SHARPIN: variants seen among roughly 807,000 people sequenced by gnomAD.
SHARPIN encodes the protein SHANK associated RH domain interactor, also known as hSIPL1.
In SHARPIN, 25 loss-of-function variants were observed where a neutral mutation model predicts 40.3. That is an observed-to-expected ratio of 0.62 (90% CI 0.45 to 0.87). SHARPIN has a LOEUF of 0.87. Among genes scored for constraint, SHARPIN ranks in the 40% least tolerant of loss-of-function variants. The pLI is 0.00. For missense variants in SHARPIN, 551 were observed against 516.1 expected, an observed-to-expected ratio of 1.07 and a Z score of -0.66; for synonymous variants, 274 against 221.8, an observed-to-expected ratio of 1.24 and a Z score of -2.09.
At position 144,099,175 on chromosome 8, in the gene SHARPIN, T is replaced by A; in HGVS notation, c.953A>T (p.Lys318Met). The change falls in exon 7 of 9, where the codon AAG becomes ATG. Residue 318 changes from lysine (K) to methionine (M), a missense_variant. By Grantham distance (95) the Lys-to-Met change is moderately conservative. Coordinates refer to ENST00000398712, the MANE Select transcript of SHARPIN (RefSeq NM_030974.4). ...CAAGCGTCCAAGTTCCCCGTCCATC[T>A]TCTGGGGGTGCTGAGGGCTAGGTCC... ...ATGPSPQHPQ[K>M]MDGELGRLFP... 6.3e-7 allele frequency: 1 copy of A among 1,594,098 alleles called. No homozygotes were observed. Among genetic ancestry groups the A allele is most frequent in the Non-Finnish European group, 8.5e-7 (1 of 1,171,668 alleles).
Position 144,103,243 on chromosome 8 carries a change from C to G in SHARPIN, c.202-18G>C. 1 of 1,587,236 alleles carries G rather than the reference C, an allele frequency of 6.3e-7. No homozygotes were observed. Among genetic ancestry groups the G allele is most frequent in the Non-Finnish European group, 8.6e-7 (1 of 1,167,216 alleles). On this transcript the variant is annotated intron_variant, in intron 1 of 8. Transcript: ENST00000398712. ...AAATTAACCTGAGAAGAGGGAGAGTCCAGGCTCAGGGCGTCCCCCCGCCCT... is the reference window on the plus strand; with the variant it reads ...AAATTAACCTGAGAAGAGGGAGAGTGCAGGCTCAGGGCGTCCCCCCGCCCT...
Position 144,103,769 on chromosome 8 carries a change from G to A in SHARPIN, c.-16C>T. The stretch of plus-strand genomic sequence containing the variant: ...GCGGCGCCATCTCCGGTCCGGCCGG[G>A]TCCCACCCCTCCGAGCGCGCTTCCG... On this transcript the variant is annotated 5_prime_UTR_variant, in exon 1 of 9. Coordinates refer to ENST00000398712, the MANE Select transcript of SHARPIN (RefSeq NM_030974.4). 1 of 1,356,490 alleles carries A rather than the reference G, an allele frequency of 7.4e-7. No individual in the cohort carries two copies. Among genetic ancestry groups the A allele is most frequent in the Non-Finnish European group, 9.4e-7 (1 of 1,062,756 alleles). 84.0% of individuals were successfully genotyped at this position (1,356,490 alleles called of 1,614,324 possible).
In SHARPIN at chr8:144,099,957, A is replaced by G; in HGVS notation, c.489T>C (p.Pro163=). 6.2e-7 allele frequency: 1 copy of G among 1,604,194 alleles called. No individual in the cohort carries two copies. The highest frequency in any genetic ancestry group is 1.1e-5 in the South Asian group (1 of 90,652). Residue 163 remains proline, a synonymous_variant, in exon 3 of 9, where the codon CCT becomes CCC. Coordinates refer to ENST00000398712, the MANE Select transcript of SHARPIN (RefSeq NM_030974.4). ...LKGPPPEADL[P]RSPGNLTERE... ...TCTCCGTCAAGTTTCCAGGGCTCCT[A>G]GGAAGATCTGCCTCAGGTGGAGGGC...
intron 2 of SHARPIN, chr8:144,102,628 C>G: frequency 4.0e-6 from 1 of 252,198 alleles, no homozygotes; most frequent in Admixed American, 5.1e-5. Context: ...ACCCTATCTG[C>G]ACCAACCCTT....
rs1447455882 is a variant in SHARPIN, at chr8:144,103,629, C to T, written c.125G>A (p.Arg42Gln). ...GAGPDAEAQL[R>Q]RLQLSADPER... ...AGGGTCCGCGCTCAGCTGCAGCCTC[C>T]GCAGCTGTGCCTCGGCGTCTGGCCC... The change falls in exon 1 of 9, where the codon CGG (arginine) becomes CAG (glutamine). Residue 42 changes from arginine (R) to glutamine (Q), a missense_variant. Physicochemically the swap from Arg to Gln is conservative, Grantham distance 43. Coordinates refer to ENST00000398712, the MANE Select transcript of SHARPIN (RefSeq NM_030974.4). 1.3e-6 allele frequency: 2 copies of T among 1,527,446 alleles called. No individual in the cohort carries two copies. Among genetic ancestry groups the T allele is most frequent in the Non-Finnish European group, 8.7e-7 (1 of 1,143,758 alleles). The allele number at this position is 1,527,446 out of a possible 1,614,324, so 94.6% of individuals were successfully genotyped here.
rs767943795 is a variant in SHARPIN, at chr8:144,099,820, C to G, written c.542G>C (p.Arg181Pro). The change falls in exon 4 of 9, where the codon CGG becomes CCG. Residue 181 changes from arginine (R) to proline (P), a missense_variant. Coordinates refer to ENST00000398712, the MANE Select transcript of SHARPIN (RefSeq NM_030974.4). ...EREELAGSLA[R>P]AIAGGDEKGA... ...CTTCTCGTCTCCACCTGCAATAGCC[C>G]GGGCCAGGCTCCCTGCCAGCTCTTC... The G allele has an allele frequency of 1.9e-6, 3 of 1,612,562 alleles. No individual in the cohort carries two copies. Among genetic ancestry groups the G allele is most frequent in the Middle Eastern group, 1.7e-4 (1 of 6,056 alleles).
At position 144,099,547 on chromosome 8, in the gene SHARPIN, A is replaced by C; in HGVS notation, c.731T>G (p.Val244Gly). Reference sequence around the variant, plus strand: ...AGCTGCAACAGTGCAGTGGGGGTGGACCTGCAGGGCAACGTGTGCAGAGGA... The same window carrying C: ...AGCTGCAACAGTGCAGTGGGGGTGGCCCTGCAGGGCAACGTGTGCAGAGGA... ...AASSAHVALQ[V>G]HPHCTVAALQ... Residue 244 changes from valine (V) to glycine (G), a missense_variant, in exon 5 of 9, where the codon GTC (valine) becomes GGC (glycine). Transcript: ENST00000398712. 3 of 1,614,050 alleles carry C rather than the reference A, an allele frequency of 1.9e-6. No homozygotes were observed. Among genetic ancestry groups the C allele is most frequent in the South Asian group, 2.2e-5 (2 of 91,080 alleles).
intron 2 of SHARPIN, chr8:144,100,598 C>T (rs1265782168): frequency 1.0e-4 from 16 of 153,754 alleles, no homozygotes; most frequent in Non-Finnish European, 2.3e-4. Context: ...CCAGTGCTGA[C>T]ACAGCTCCCG....
chr8:144,103,014 T>A (rs774423254), intron 2 of SHARPIN, 37 bp downstream of exon 2: 18 of 1,612,094 alleles, frequency 1.1e-5, no homozygotes, highest in Non-Finnish European at 1.4e-5. Flanking sequence ...GCCAAGGCTA[T>A]TCCAAATTGT....
At chr8:144,101,744 T>C (rs1836292260) in intron 2 of SHARPIN, among the ~76,000 whole-genome samples, 1 of 152,062 alleles carries the variant, frequency 6.6e-6, no homozygotes, top group South Asian at 2.1e-4. Context: ...ATTTTTTGTA[T>C]GTTGCCCAGC....
chr8:144,099,580 G>C lies in SHARPIN; in HGVS notation c.698C>G (p.Ser233Cys). 1 of 1,614,104 alleles carries C rather than the reference G, an allele frequency of 6.2e-7. No individual in the cohort carries two copies. Among genetic ancestry groups the C allele is most frequent in the South Asian group, 1.1e-5 (1 of 91,084 alleles). The change falls in exon 5 of 9, where the codon TCC (serine) becomes TGC (cysteine). Residue 233 changes from serine (S) to cysteine (C), a missense_variant. Ser to Cys is a moderately radical substitution (Grantham distance 112). Transcript: ENST00000398712. ...VTLEDAASAA[S>C]AASSAHVALQ... Reference sequence around the variant, plus strand: ...GGCAACGTGTGCAGAGGACGCGGCGGATGCGGCAGAGGCAGCGTCTTCAAG... The same window carrying C: ...GGCAACGTGTGCAGAGGACGCGGCGCATGCGGCAGAGGCAGCGTCTTCAAG...
chr8:144,101,063 G>A (rs570832649), intron 2 of SHARPIN, among the ~76,000 whole-genome samples: 1 of 151,828 alleles, frequency 6.6e-6, no homozygotes, highest in Non-Finnish European at 1.5e-5. Context: ...TTGAACTCCC[G>A]ACCTCAGGTG....
At chr8:144,103,246 G>C in intron 1 of SHARPIN, 21 bp from the exon 2 acceptor site, 1 of 1,578,552 alleles carries the variant, frequency 6.3e-7, no homozygotes. Flanking sequence ...GGAGAGTCCA[G>C]GCTCAGGGCG....
rs751153793 is a variant in SHARPIN at position 144,099,382 on chromosome 8, C to T, written c.817G>A (p.Gly273Arg). ...FPPAVQRWVIGRCLCVPERSL... is the reference protein window; with the variant it reads ...FPPAVQRWVIRRCLCVPERSL... ...CGCTCAGGCACACACAGGCACCGTC[C>T]GATGACCCAGCGTTGCACGGCTGGC... is the stretch of plus-strand genomic sequence containing the variant. Residue 273 changes from glycine (G) to arginine (R), a missense_variant, in exon 6 of 9, where the codon GGA becomes AGA. By Grantham distance (125) the Gly-to-Arg change is moderately radical. Transcript: ENST00000398712. 3.7e-6 allele frequency: 6 copies of T among 1,613,636 alleles called. No homozygotes were observed. Among genetic ancestry groups the T allele is most frequent in the African/African-American group, 2.7e-5 (2 of 74,922 alleles).
In SHARPIN at chr8:144,103,746, G is replaced by A. The variant is rs1325527830; in HGVS notation, c.8C>T (p.Pro3Leu). ...CGCCGCCGCCGCCCCGCCCGCTGGCGGCGCCATCTCCGGTCCGGCCGGGTC... is the reference window on the plus strand; with the variant it reads ...CGCCGCCGCCGCCCCGCCCGCTGGCAGCGCCATCTCCGGTCCGGCCGGGTC... MAPPAGGAAAAAS... is the reference protein window; with the variant it reads MALPAGGAAAAAS... The change falls in exon 1 of 9, where the codon CCG (proline) becomes CTG (leucine). Residue 3 changes from proline to leucine, a missense_variant. Transcript: ENST00000398712. 2.2e-6 allele frequency: 3 copies of A among 1,377,826 alleles called. No individual in the cohort carries two copies. The African/African-American group carries it at 4.6e-5, about 21-fold the overall frequency. 85.4% of individuals were successfully genotyped at this position (1,377,826 alleles called of 1,614,324 possible). A position where few individuals can be genotyped will look rare whatever the true frequency, so the allele number is the denominator to read the frequency against.
At chr8:144,102,701 ACT>A (rs1193946671) in intron 2 of SHARPIN, 2 of 399,014 alleles carry the variant, frequency 5.0e-6, no homozygotes, top group African/African-American at 2.1e-5. Context: ...CACTCCTGTC[ACT>A]CTCCTGCTGC....
At chr8:144,101,878 G>A (rs2129993623) in intron 2 of SHARPIN, among the ~76,000 whole-genome samples, 1 of 152,278 alleles carries the variant, frequency 6.6e-6, no homozygotes, top group African/African-American at 2.4e-5. Flanking sequence ...GAATACATAT[G>A]CTTGGTGAAT....
At chr8:144,102,970 A>C in intron 2 of SHARPIN, 81 bp downstream of exon 2, 1 of 1,536,212 alleles carries the variant, frequency 6.5e-7, no homozygotes, top group Non-Finnish European at 9.0e-7. Flanking sequence ...GCAGTGGGGA[A>C]GGTGGATCCA....
At chr8:144,102,992 C>T in intron 2 of SHARPIN, 59 bp downstream of exon 2, 1 of 1,604,948 alleles carries the variant, frequency 6.2e-7, no homozygotes, top group Non-Finnish European at 8.5e-7. Flanking sequence ...CTTCCCCAAC[C>T]AGGACTGGGG....
Sources: allele counts gnomAD v4.1 joint callset (sites outside exome capture counted in the v4.1 genomes callset), GRCh38; gene constraint gnomAD v4.1.1; transcripts MANE v1.5; gene names NCBI Gene and HGNC (gene_info 2026-07-23, HGNC 2026-07-21).